Variants in ADCY4 observed in about 807,000 individuals in gnomAD.
The protein encoded by ADCY4 is adenylate cyclase type 4.
ADCY4 carries 111 observed loss-of-function variants against 125.5 expected under a neutral mutation model. The observed-to-expected ratio is 0.88, with a 90% confidence interval of 0.76 to 1.04. ADCY4 has a LOEUF of 1.04. ADCY4 is among the 50% of genes least tolerant of loss of function. ADCY4 has a pLI of 0.00. For missense variants in ADCY4, 1,256 were observed against 1,382.9 expected (o/e 0.91, Z 1.46); for synonymous variants, 576 against 586.9 (o/e 0.98, Z 0.27).
intron 14 of ADCY4, 113 bp downstream of exon 14, chr14:24,325,264 A>G (rs566451139): frequency 1.9e-5 from 15 of 786,008 alleles, no homozygotes; most frequent in Non-Finnish European, 3.2e-5. Flanking sequence ...CTCTGTGGGT[A>G]AGTGCCTGAA....
At position 24,322,647 on chromosome 14, in the gene ADCY4, TGAA is replaced by T. The variant is rs766852715; in HGVS notation, c.2401_2403del (p.Phe801del). ...ACCTGGCGAGCCAGGACAAGGAGGG[TGAA>T]GAAGAAGATGAAGAAGGAGATAGCA... On this transcript the variant is annotated inframe_deletion, in exon 19 of 25. Coordinates refer to ENST00000418030, the MANE Select transcript of ADCY4 (RefSeq NM_001198568.2). 30 of 1,613,598 alleles carry T rather than the reference TGAA, an allele frequency of 1.9e-5. No homozygotes were observed. The highest frequency in any genetic ancestry group is 2.2e-5 in the East Asian group (1 of 44,862).
chr14:24,330,413 G>C, intron 6 of ADCY4, 118 bp from the exon 7 acceptor site: 1 of 1,444,708 alleles, frequency 6.9e-7, no homozygotes, highest in South Asian at 1.2e-5. Flanking sequence ...AGGTGGGGTA[G>C]TGTCTAGATC....
chr14:24,319,821 A>G lies in ADCY4; in HGVS notation c.2654T>C (p.Phe885Ser), dbSNP rs749324776. ...ATGATTGATGTTGGATTCAGAGTAG[A>G]ACTCCTTGAAGTCTGGGACTGAGGC... ...LFASVPDFKE[F>S]YSESNINHEG... The change falls in exon 21 of 25, where the codon TTC (phenylalanine) becomes TCC (serine). Residue 885 changes from phenylalanine to serine, a missense_variant. Physicochemically the swap from Phe to Ser is radical, Grantham distance 155. Transcript: ENST00000418030. This position sits in a 1 kb window ranked among gnomAD's most constrained non-coding sequence, Gnocchi z 4.5. 15 of 1,614,150 alleles carry G rather than the reference A, an allele frequency of 9.3e-6. No individual in the cohort carries two copies. The highest frequency in any genetic ancestry group is 8.8e-5 in the South Asian group (8 of 91,080).
At chr14:24,325,722 A>G (rs531234476) in intron 13 of ADCY4, 96 bp downstream of exon 13, 1 of 1,412,338 alleles carries the variant, frequency 7.1e-7, no homozygotes, top group South Asian at 1.3e-5. Context: ...TCACAAACTG[A>G]GCAGACTTGG....
Position 24,322,186 on chromosome 14 carries a change from C to G in ADCY4, c.2466G>C (p.Lys822Asn). 6.2e-7 allele frequency: 1 copy of G among 1,614,130 alleles called. No homozygotes were observed. Among genetic ancestry groups the G allele is most frequent in the South Asian group, 1.1e-5 (1 of 91,076 alleles). ...YYCRLDFLWK[K>N]KLRQEREETE... ...TCTCCTCCCTCTCCTGCCTCAGCTT[C>G]TTCTTCCACAGGAAGTCCAGGCGGC... is the stretch of plus-strand genomic sequence containing the variant. The change falls in exon 20 of 25, where the codon AAG (lysine) becomes AAC (asparagine). Residue 822 changes from lysine (K) to asparagine (N), a missense_variant. Physicochemically the swap from Lys to Asn is moderately conservative, Grantham distance 94 (BLOSUM62 0). Coordinates refer to ENST00000418030, the MANE Select transcript of ADCY4 (RefSeq NM_001198568.2).
At chr14:24,325,640 C>G (rs942485377) in intron 13 of ADCY4, among the ~76,000 whole-genome samples, 166 bp from the exon 14 acceptor site, 1 of 150,732 alleles carries the variant, frequency 6.6e-6, no homozygotes, top group Non-Finnish European at 1.5e-5. Context: ...CCTTCCTCCC[C>G]CTACCATCTA....
In ADCY4 at chr14:24,331,253, G is replaced by A; in HGVS notation, c.773C>T (p.Thr258Ile). The change falls in exon 5 of 25, where the codon ACT becomes ATT. Residue 258 changes from threonine to isoleucine, a missense_variant. Transcript: ENST00000418030. ...GACATAGAGGCTGTGGAAATTGTTA[G>A]TGCTCTCTGGCCGTGACCCCTGTCC... ...QAGQGSRPES[T>I]NNFHSLYVKR... 1 of 1,614,186 alleles carries A rather than the reference G, an allele frequency of 6.2e-7. No individual in the cohort carries two copies. The highest frequency in any genetic ancestry group is 8.5e-7 in the Non-Finnish European group (1 of 1,180,028).
rs748009311 is a variant in ADCY4, at chr14:24,318,526, T to G, written c.3124A>C (p.Thr1042Pro). Reference sequence around the variant, plus strand: ...TTGATGACACCCCGGCTGTAGCAGGTGTAGCCCAGGGACTGTAGGGCCCAT... The same window carrying G: ...TTGATGACACCCCGGCTGTAGCAGGGGTAGCCCAGGGACTGTAGGGCCCAT... Reference protein sequence around the residue: ...TAWALQSLGYTCYSRGVIKVK... With the variant: ...TAWALQSLGYPCYSRGVIKVK... Residue 1042 changes from threonine (T) to proline (P), a missense_variant, in exon 25 of 25, where the codon ACC (threonine) becomes CCC (proline). Transcript: ENST00000418030. The G allele has an allele frequency of 2.5e-5, 40 of 1,614,036 alleles. No homozygotes were observed. The highest frequency in any genetic ancestry group is 9.3e-6 in the Non-Finnish European group (11 of 1,180,030).
Position 24,322,144 on chromosome 14 carries a change from G to A in ADCY4, c.2508C>T (p.Asn836=), listed in dbSNP as rs755883964. Residue 836 remains asparagine, a synonymous_variant, in exon 20 of 25, where the codon AAC becomes AAT. Transcript: ENST00000418030. ...QEREETETME[N]LTRLLLENVL... Reference sequence around the variant, plus strand: ...CGTTCTCCAAGAGCAGCCGAGTCAGGTTCTCCATCGTCTCTGTCTCCTCCC... The same window carrying A: ...CGTTCTCCAAGAGCAGCCGAGTCAGATTCTCCATCGTCTCTGTCTCCTCCC... The A allele has an allele frequency of 6.8e-6, 11 of 1,614,140 alleles. No homozygotes were observed. The South Asian group carries it at 1.1e-4, about 16-fold the overall frequency.
chr14:24,330,141 T>A (rs750167525), intron 7 of ADCY4, 27 bp downstream of exon 7: 1 of 1,607,068 alleles, frequency 6.2e-7, no homozygotes, highest in South Asian at 1.1e-5. Context: ...ACCCTCAGCA[T>A]TCCTCTTGAC....
rs1488289594 is a variant in ADCY4 at position 24,321,681 on chromosome 14, C to CAG, written c.2586+383_2586+384dup. Reference sequence around the variant, plus strand: ...ATGCTGCTACTGATCTGACAAGAGGCAGAGCTCAGGCGGTAGTGCTGGCTC... The same window carrying CAG: ...ATGCTGCTACTGATCTGACAAGAGGCAGAGAGCTCAGGCGGTAGTGCTGGCTC... On this transcript the variant is annotated intron_variant, in intron 20 of 24. Transcript: ENST00000418030. 6.7e-5 allele frequency: 31 copies of CAG among 460,398 alleles called. 1 individual carries two copies. The East Asian group carries it at 3.7e-3, about 56-fold the overall frequency. The allele number at this position is 460,398 out of a possible 1,614,324, so 28.5% of individuals were successfully genotyped here. A position where few individuals can be genotyped will look rare whatever the true frequency, so the allele number is the denominator to read the frequency against.
chr14:24,323,579 A>G (rs965487951), intron 16 of ADCY4, 125 bp from the exon 17 acceptor site: 5 of 1,469,028 alleles, frequency 3.4e-6, no homozygotes, highest in East Asian at 2.5e-5. Flanking sequence ...GGATCCTGCT[A>G]TTTCTGGTTG....
chr14:24,334,413 ATCGAAAAGAAGACCCCACAAACCCCAAC>A, intron 1 of ADCY4, 53 bp downstream of exon 1: 1 of 1,459,886 alleles, frequency 6.8e-7, no homozygotes, highest in East Asian at 2.5e-5. Flanking sequence ...ACGAAAACAC[ATCGAAAAGAAGACCCCACAAACCCCAAC>A]CCCGAAAATG....
intron 16 of ADCY4, 82 bp downstream of exon 16, chr14:24,323,980 C>T (rs1258018908): frequency 1.3e-6 from 2 of 1,537,254 alleles, no homozygotes; most frequent in South Asian, 2.5e-5. Flanking sequence ...CAGCTGCCTG[C>T]CCAAATCCAG....
chr14:24,332,578 C>A lies in ADCY4; in HGVS notation c.463G>T (p.Val155Phe). The A allele has an allele frequency of 6.3e-7, 1 of 1,577,584 alleles. No homozygotes were observed. The highest frequency in any genetic ancestry group is 1.2e-5 in the South Asian group (1 of 86,520). ...GLASSLSHLLVLGLYLGPQPD... is the reference protein window; with the variant it reads ...GLASSLSHLLFLGLYLGPQPD... Reference sequence around the variant, plus strand: ...TGTGGCCCAAGATACAGCCCGAGGACCAGCAGATGCGAGAGTGAGGAGGCG... The same window carrying A: ...TGTGGCCCAAGATACAGCCCGAGGAACAGCAGATGCGAGAGTGAGGAGGCG... The change falls in exon 3 of 25, where the codon GTC (valine) becomes TTC (phenylalanine). Residue 155 changes from valine (V) to phenylalanine (F), a missense_variant. By Grantham distance (50) the Val-to-Phe change is conservative. Transcript: ENST00000418030.
At position 24,329,958 on chromosome 14, in the gene ADCY4, G is replaced by A. The variant is rs79553843; in HGVS notation, c.1119C>T (p.Ser373=). The A allele has an allele frequency of 7.5e-5, 121 of 1,613,978 alleles. No homozygotes were observed. The highest frequency in any genetic ancestry group is 1.6e-4 in the Middle Eastern group (1 of 6,082). ...GCAGCCCGATGACTCCACACAGTACGCTGCCTGAGTGCACGCCCACACGCA... is the reference window on the plus strand; with the variant it reads ...GCAGCCCGATGACTCCACACAGTACACTGCCTGAGTGCACGCCCACACGCA... ...INMRVGVHSG[S]VLCGVIGLQK... is the part of the protein sequence containing the mutation. The change falls in exon 8 of 25, where the codon AGC becomes AGT. Residue 373 remains serine, a synonymous_variant. Transcript: ENST00000418030.
At chr14:24,331,473 C>T (rs1342371903) in intron 4 of ADCY4, 117 bp from the exon 5 acceptor site, 2 of 1,383,162 alleles carry the variant, frequency 1.4e-6, no homozygotes, top group Admixed American at 2.1e-5. Flanking sequence ...GGGTGCTCCC[C>T]CAGGTCCTCC....
chr14:24,329,636 TC>T, intron 8 of ADCY4, 103 bp from the exon 9 acceptor site: 1 of 1,458,082 alleles, frequency 6.9e-7, no homozygotes. Context: ...ACATCTCATG[TC>T]TTTTAAAGAT....
At position 24,326,422 on chromosome 14, in the gene ADCY4, C is replaced by G; in HGVS notation, c.1525-80G>C. 4 of 1,522,920 alleles carry G rather than the reference C, an allele frequency of 2.6e-6. No homozygotes were observed. In the South Asian group the frequency reaches 4.5e-5, roughly 17 times the overall value. The allele number at this position is 1,522,920 out of a possible 1,614,324, so 94.3% of individuals were successfully genotyped here. A position where few individuals can be genotyped will look rare whatever the true frequency, so the allele number is the denominator to read the frequency against. On this transcript the variant is annotated intron_variant, in intron 10 of 24. Transcript: ENST00000418030. ...GGTAGACCATGAGCCACACTGCATG[C>G]TCTATACATGTCTTTGACCTTGGGC...
Sources: allele counts gnomAD v4.1 joint callset (sites outside exome capture counted in the v4.1 genomes callset), GRCh38; gene constraint gnomAD v4.1.1; non-coding constraint Gnocchi (gnomAD v3.1); transcripts MANE v1.5; gene names NCBI Gene and HGNC (gene_info 2026-07-23, HGNC 2026-07-21).